DIAPH3: variants seen among roughly 807,000 people sequenced by gnomAD.
The protein encoded by DIAPH3 is protein diaphanous homolog 3.
Under a neutral mutation model 144.3 loss-of-function variants are expected in DIAPH3, and 117 were observed. That is an observed-to-expected ratio of 0.81 (90% CI 0.70 to 0.95). DIAPH3 has a LOEUF of 0.95. DIAPH3 is among the 40% of genes least tolerant of loss of function. The probability of loss-of-function intolerance (pLI) is 0.00; values close to 1 mark genes in which losing one functional copy is unlikely to be tolerated. For synonymous variants in DIAPH3, 519 were observed against 488.9 expected (o/e 1.06, Z -0.81); for missense variants, 1,421 against 1,412.7 (o/e 1.01, Z -0.09).
At chr13:59,795,486 G>A (rs1258719288) in intron 25 of DIAPH3, among the ~76,000 whole-genome samples, 1 of 139,068 alleles carries the variant, frequency 7.2e-6, no homozygotes, top group Admixed American at 7.9e-5. Context: ...ATGGAGTCTC[G>A]CTCTCCCGCC....
chr13:60,050,450 C>T (rs1474935906), intron 4 of DIAPH3, among the ~76,000 whole-genome samples: 1 of 152,074 alleles, frequency 6.6e-6, no homozygotes, highest in Non-Finnish European at 1.5e-5. Context: ...AAAACTACAG[C>T]CTGAGTGTCA....
At chr13:59,867,444 C>T (rs1243829718) in intron 21 of DIAPH3, among the ~76,000 whole-genome samples, 1 of 151,884 alleles carries the variant, frequency 6.6e-6, no homozygotes, top group Non-Finnish European at 1.5e-5. Flanking sequence ...CATATAAATA[C>T]TAAATTACTT....
At chr13:59,792,998 AG>A (rs1360696362) in intron 25 of DIAPH3, among the ~76,000 whole-genome samples, 1 of 152,162 alleles carries the variant, frequency 6.6e-6, no homozygotes, top group Non-Finnish European at 1.5e-5. Flanking sequence ...ACTCCCTGAG[AG>A]GGTTTACATG....
chr13:59,837,472 A>G (rs575926757), intron 23 of DIAPH3, among the ~76,000 whole-genome samples: 2 of 152,186 alleles, frequency 1.3e-5, no homozygotes, highest in South Asian at 4.1e-4. Context: ...TCTTGGTTCT[A>G]TAAACCTGAG....
chr13:59,989,540 G>A (rs151189352), intron 12 of DIAPH3, among the ~76,000 whole-genome samples: 114 of 151,862 alleles, frequency 7.5e-4, no homozygotes, highest in Middle Eastern at 3.4e-3. Flanking sequence ...CAAGATACCC[G>A]GGGTTTAAAG....
intron 1 of DIAPH3, among the ~76,000 whole-genome samples, chr13:60,159,753 C>T (rs576596577): frequency 6.6e-6 from 1 of 152,202 alleles, no homozygotes; most frequent in East Asian, 1.9e-4. Flanking sequence ...CCTTGGTTTC[C>T]TCCTATGGCA....
Position 59,846,123 on chromosome 13 carries a change from A to C in DIAPH3, c.2738-6675T>G, listed in dbSNP as rs150605138. 6.7e-3 allele frequency among the ~76,000 whole-genome samples: 1,014 copies of C among 152,284 alleles called. 4 individuals are homozygous for C. The highest frequency in any genetic ancestry group is 0.024 in the Middle Eastern group (7 of 294). ...GAGTAAAAGTTAAAATCGAAACTAT[A>C]AATATTTAAGTTTAAAGCAGTCATG... is the stretch of plus-strand genomic sequence containing the variant. On this transcript the variant is annotated intron_variant, in intron 22 of 27. Coordinates refer to ENST00000400324, the MANE Select transcript of DIAPH3 (RefSeq NM_001042517.2).
chr13:59,942,339 C>G (rs1345983564), intron 17 of DIAPH3, among the ~76,000 whole-genome samples: 1 of 152,070 alleles, frequency 6.6e-6, no homozygotes, highest in Non-Finnish European at 1.5e-5. Flanking sequence ...AAAAATAAAA[C>G]AAATGACTCA....
Position 59,970,066 on chromosome 13 carries a change from C to A in DIAPH3, c.1960-8G>T. 2 of 1,528,810 alleles carry A rather than the reference C, an allele frequency of 1.3e-6. No homozygotes were observed. The highest frequency in any genetic ancestry group is 1.2e-5 in the South Asian group (1 of 86,586). The allele number at this position is 1,528,810 out of a possible 1,614,324, so 94.7% of individuals were successfully genotyped here. A position where few individuals can be genotyped will look rare whatever the true frequency, so the allele number is the denominator to read the frequency against. The stretch of plus-strand genomic sequence containing the variant: ...CATTTCATGAGGTCTGATCTACAAT[C>A]AGAGAGAAGACTGATTCATCAATAG... On this transcript the variant is annotated splice_polypyrimidine_tract_variant and splice_region_variant and intron_variant, in intron 16 of 27. Coordinates refer to ENST00000400324, the MANE Select transcript of DIAPH3 (RefSeq NM_001042517.2).
intron 16 of DIAPH3, among the ~76,000 whole-genome samples, chr13:59,970,610 C>G (rs2050308770): frequency 6.6e-6 from 1 of 151,902 alleles, no homozygotes; most frequent in Non-Finnish European, 1.5e-5. Flanking sequence ...TCCACTGGAA[C>G]AACATCAACT....
intron 19 of DIAPH3, among the ~76,000 whole-genome samples, chr13:59,915,529 GT>G (rs1400775605): frequency 6.6e-6 from 1 of 151,946 alleles, no homozygotes; most frequent in Non-Finnish European, 1.5e-5. Context: ...TATAATTTGT[GT>G]TTTGATTCTC....
chr13:59,833,956 TC>T (rs1201639689), intron 23 of DIAPH3, among the ~76,000 whole-genome samples: 6 of 151,656 alleles, frequency 4.0e-5, no homozygotes, highest in African/African-American at 1.5e-4. Context: ...TGAAAACTTC[TC>T]CCATTATCTA....
intron 3 of DIAPH3, among the ~76,000 whole-genome samples, chr13:60,104,171 A>G (rs2058347782): frequency 6.6e-6 from 1 of 152,252 alleles, no homozygotes. Flanking sequence ...CAAGATGTCT[A>G]TAAATACATT....
chr13:60,120,727 C>T (rs1375917226), intron 2 of DIAPH3, among the ~76,000 whole-genome samples: 1 of 152,170 alleles, frequency 6.6e-6, no homozygotes, highest in Non-Finnish European at 1.5e-5. Flanking sequence ...GAACCGAGGC[C>T]TCCCCGCACC....
chr13:59,741,102 G>A (rs920831803), intron 27 of DIAPH3, among the ~76,000 whole-genome samples: 1 of 152,144 alleles, frequency 6.6e-6, no homozygotes, highest in Non-Finnish European at 1.5e-5. Context: ...CTCCTGACAA[G>A]ACAAACATGA....
chr13:59,964,986 T>C (rs1160165159), intron 17 of DIAPH3, among the ~76,000 whole-genome samples: 1 of 152,222 alleles, frequency 6.6e-6, no homozygotes, highest in Non-Finnish European at 1.5e-5. Flanking sequence ...TATTTCTATG[T>C]GTTCACCTTA....
chr13:59,955,340 G>T (rs187442621), intron 17 of DIAPH3, among the ~76,000 whole-genome samples: 1 of 151,990 alleles, frequency 6.6e-6, no homozygotes, highest in African/African-American at 2.4e-5. Flanking sequence ...TAAGTTTCAT[G>T]AGAGCTGATA....
intron 27 of DIAPH3, among the ~76,000 whole-genome samples, chr13:59,772,725 G>A (rs993566329): frequency 2.6e-5 from 4 of 151,900 alleles, no homozygotes; most frequent in African/African-American, 9.7e-5. Context: ...ACTGTAGGAT[G>A]GTATATGCAT....
chr13:59,927,291 C>T (rs2047799626), intron 17 of DIAPH3, among the ~76,000 whole-genome samples: 1 of 152,128 alleles, frequency 6.6e-6, no homozygotes, highest in Non-Finnish European at 1.5e-5. Context: ...ACATAACTTT[C>T]AATTAGAGAA....
Sources: gnomAD v4.1 joint callset for allele counts (sites outside exome capture counted in the v4.1 genomes callset) on GRCh38, gnomAD v4.1.1 for gene constraint, MANE v1.5 for transcripts, NCBI Gene and HGNC (gene_info 2026-07-23, HGNC 2026-07-21) for gene names.